The following BDKRB2 variants were observed in gnomAD, a reference collection of about 807,000 sequenced individuals.
The protein encoded by BDKRB2 is B2 bradykinin receptor.
Under a neutral mutation model 4.0 loss-of-function variants are expected in BDKRB2, and 6 were observed. That is an observed-to-expected ratio of 1.49 (90% CI 0.81 to 2.93). The LOEUF (loss-of-function observed/expected upper bound fraction) is 2.93. BDKRB2 is among the 30% of genes most tolerant of loss of function. The pLI, the probability that BDKRB2 is intolerant of heterozygous loss-of-function variation, is 0.00. For missense variants in BDKRB2, 478 were observed against 520.1 expected, an observed-to-expected ratio of 0.92 and a Z score of 0.79; for synonymous variants, 225 against 215.3, an observed-to-expected ratio of 1.05 and a Z score of -0.40.
intron 1 of BDKRB2, among the ~76,000 whole-genome samples, chr14:96,208,960 A>G (rs1213905370): frequency 6.6e-6 from 1 of 152,196 alleles, no homozygotes. Flanking sequence ...TGTGACCTGT[A>G]CAGTGCCAGG....
At chr14:96,237,276 A>G in intron 2 of BDKRB2, 95 bp downstream of exon 2, 2 of 1,169,338 alleles carry the variant, frequency 1.7e-6, no homozygotes, top group South Asian at 2.7e-5. Flanking sequence ...GCCCCGGACA[A>G]CAGTTGAAGG....
chr14:96,239,361 G>T (rs2069584), intron 2 of BDKRB2: 101,967 of 985,128 alleles, frequency 0.1, 5,315 homozygotes, highest in Middle Eastern at 0.11. Context: ...CAAGCATTTT[G>T]CCCAAGACCA....
Position 96,219,697 on chromosome 14 carries a change from G to A in BDKRB2, c.-40+14738G>A, listed in dbSNP as rs544918625. The stretch of plus-strand genomic sequence containing the variant: ...AACAAATATTTCCTGAGCCCCTGTC[G>A]TAGGCCAGGCCCAGTGCTAAGAGGT... On this transcript the variant is annotated intron_variant, in intron 1 of 2. Transcript: ENST00000554311. 1.1e-3 allele frequency among the ~76,000 whole-genome samples: 168 copies of A among 152,128 alleles called. 1 individual carries two copies. Among genetic ancestry groups the A allele is most frequent in the African/African-American group, 3.3e-3 (135 of 41,430 alleles).
chr14:96,224,666 C>T (rs149189242), intron 1 of BDKRB2, among the ~76,000 whole-genome samples: 2,070 of 152,280 alleles, frequency 0.014, 21 homozygotes, highest in Non-Finnish European at 0.022. Context: ...GTTCTTGCCT[C>T]GGGCTCAGGG....
intron 1 of BDKRB2, among the ~76,000 whole-genome samples, chr14:96,219,233 C>T (rs922013956): frequency 1.3e-5 from 2 of 152,106 alleles, no homozygotes; most frequent in African/African-American, 2.4e-5. Flanking sequence ...ACCCAGGAGG[C>T]GGAAGATGCA....
chr14:96,241,580 G>A lies in BDKRB2; in HGVS notation c.*76G>A. On this transcript the variant is annotated 3_prime_UTR_variant, in exon 3 of 3. Coordinates refer to ENST00000554311, the MANE Select transcript of BDKRB2 (RefSeq NM_001379692.1). ...TGCTTTTCAGCATGGGCCCAGGAAT[G>A]CCAAGGAGACATCTATGCACGACCT... 3.4e-6 allele frequency: 5 copies of A among 1,481,518 alleles called. No homozygotes were observed. The highest frequency in any genetic ancestry group is 4.5e-6 in the Non-Finnish European group (5 of 1,123,298). 91.8% of individuals were successfully genotyped at this position (1,481,518 alleles called of 1,614,324 possible). A position where few individuals can be genotyped will look rare whatever the true frequency, so the allele number is the denominator to read the frequency against.
Position 96,241,673 on chromosome 14 carries a change from G to GC in BDKRB2, c.*169_*170insC. 8.5e-7 allele frequency: 1 copy of GC among 1,180,684 alleles called. No individual in the cohort carries two copies. The highest frequency in any genetic ancestry group is 1.1e-6 in the Non-Finnish European group (1 of 891,798). The allele number at this position is 1,180,684 out of a possible 1,614,324, so 73.1% of individuals were successfully genotyped here. On this transcript the variant is annotated 3_prime_UTR_variant, in exon 3 of 3. Coordinates refer to ENST00000554311, the MANE Select transcript of BDKRB2 (RefSeq NM_001379692.1). The stretch of plus-strand genomic sequence containing the variant: ...TTCCTGCCCTGCCCAATTTTGCAGG[G>GC]AGCATGGCTGTGAGGATGGGGTGAA...
At chr14:96,238,700 TC>T (rs1445404380) in intron 2 of BDKRB2, 2 of 973,200 alleles carry the variant, frequency 2.1e-6, no homozygotes, top group Admixed American at 6.1e-5. Context: ...CCCTGCCTGG[TC>T]CACTTGTCCT....
intron 1 of BDKRB2, among the ~76,000 whole-genome samples, chr14:96,216,488 G>T (rs1427138644): frequency 6.6e-6 from 1 of 151,926 alleles, no homozygotes; most frequent in Non-Finnish European, 1.5e-5. Context: ...GTGAGCTGTG[G>T]TGGCAGGAGC....
intron 2 of BDKRB2, chr14:96,239,174 C>T: frequency 1.0e-6 from 1 of 985,392 alleles, no homozygotes; most frequent in Middle Eastern, 5.2e-4. Context: ...GCACAGGGCA[C>T]TGGGAAAATG....
Position 96,240,614 on chromosome 14 carries a change from C to G in BDKRB2, c.286C>G (p.Leu96Val). 6.5e-7 allele frequency: 1 copy of G among 1,548,732 alleles called. No homozygotes were observed. Among genetic ancestry groups the G allele is most frequent in the Middle Eastern group, 1.7e-4 (1 of 5,746 alleles). Residue 96 changes from leucine (L) to valine (V), a missense_variant, in exon 3 of 3, where the codon CTG (leucine) becomes GTG (valine). Physicochemically the swap from Leu to Val is conservative, Grantham distance 32 (BLOSUM62 1). Coordinates refer to ENST00000554311, the MANE Select transcript of BDKRB2 (RefSeq NM_001379692.1). The part of the protein sequence containing the change: ...KSSCTVAEIY[L>V]GNLAAADLIL... ...CAGCTGCACGGTGGCAGAGATCTAC[C>G]TGGGGAACCTGGCCGCAGCAGACCT... is the stretch of plus-strand genomic sequence containing the variant.
chr14:96,237,970 G>A (rs1020045174), intron 2 of BDKRB2: 5 of 1,188,366 alleles, frequency 4.2e-6, no homozygotes, highest in South Asian at 1.6e-5. Flanking sequence ...CCAGGGGTAT[G>A]CAGGAAATGG....
At chr14:96,236,093 C>T (rs1019026974) in intron 1 of BDKRB2, among the ~76,000 whole-genome samples, 5 of 152,116 alleles carry the variant, frequency 3.3e-5, no homozygotes, top group African/African-American at 1.2e-4. Flanking sequence ...AGACAAGGGT[C>T]GTCAATGGAA....
At chr14:96,212,505 G>A (rs1344589823) in intron 1 of BDKRB2, among the ~76,000 whole-genome samples, 1 of 152,186 alleles carries the variant, frequency 6.6e-6, no homozygotes, top group Non-Finnish European at 1.5e-5. Flanking sequence ...AAGGTAAAAA[G>A]CATTAATGTC....
intron 1 of BDKRB2, among the ~76,000 whole-genome samples, chr14:96,210,237 G>A (rs550783606): frequency 6.6e-6 from 1 of 152,216 alleles, no homozygotes; most frequent in Non-Finnish European, 1.5e-5. Flanking sequence ...GAAGTAAATA[G>A]TTATCCATTT....
At chr14:96,220,735 T>C (rs1394285612) in intron 1 of BDKRB2, among the ~76,000 whole-genome samples, 1 of 151,606 alleles carries the variant, frequency 6.6e-6, no homozygotes, top group African/African-American at 2.4e-5. Flanking sequence ...GCTTCCTGCT[T>C]CCAGATTTTG....
chr14:96,209,474 G>T (rs188471094), intron 1 of BDKRB2, among the ~76,000 whole-genome samples: 1 of 152,294 alleles, frequency 6.6e-6, no homozygotes, highest in Non-Finnish European at 1.5e-5. Flanking sequence ...TCTGGCCCAT[G>T]CTTCTTTCAA....
In BDKRB2 at chr14:96,242,049, C is replaced by T. The variant is rs1885306431; in HGVS notation, c.*545C>T. 2 of 152,958 alleles carry T rather than the reference C, an allele frequency of 1.3e-5. No individual in the cohort carries two copies. The highest frequency in any genetic ancestry group is 2.1e-4 in the South Asian group (1 of 4,846). The allele number at this position is 152,958 out of a possible 1,614,324, so 9.5% of individuals were successfully genotyped here. A position where few individuals can be genotyped will look rare whatever the true frequency, so the allele number is the denominator to read the frequency against. On this transcript the variant is annotated 3_prime_UTR_variant, in exon 3 of 3. Coordinates refer to ENST00000554311, the MANE Select transcript of BDKRB2 (RefSeq NM_001379692.1). ...CCTGGAGACCAGGATTTTATGGCTCCCCTCACTGATGGACAAGGAGGTCTG... is the reference window on the plus strand; with the variant it reads ...CCTGGAGACCAGGATTTTATGGCTCTCCTCACTGATGGACAAGGAGGTCTG...
chr14:96,220,264 TATTTATTTTAA>T (rs1890527481), intron 1 of BDKRB2, among the ~76,000 whole-genome samples: 1 of 151,490 alleles, frequency 6.6e-6, no homozygotes, highest in Non-Finnish European at 1.5e-5. Flanking sequence ...ATGCCGGGGG[TATTTATTTTAA>T]AAAGTGTCTA....
Sources: gnomAD v4.1 joint callset for allele counts (sites outside exome capture counted in the v4.1 genomes callset) on GRCh38, gnomAD v4.1.1 for gene constraint, MANE v1.5 for transcripts, NCBI Gene and HGNC (gene_info 2026-07-23, HGNC 2026-07-21) for gene names.